Variants in CACNA2D4 observed in about 807,000 individuals in gnomAD.
CACNA2D4 encodes voltage-dependent calcium channel subunit alpha-2/delta-4.
CACNA2D4 carries 157 observed loss-of-function variants against 163.8 expected under a neutral mutation model. The observed-to-expected ratio is 0.96, with a 90% CI of 0.84 to 1.09. The LOEUF (loss-of-function observed/expected upper bound fraction) is 1.09. CACNA2D4 is among the 50% of genes least tolerant of loss of function. The pLI is 0.00. For missense variants in CACNA2D4, 1,410 were observed against 1,479.9 expected, an observed-to-expected ratio of 0.95 and a Z score of 0.78; for synonymous variants, 598 against 586.9, an observed-to-expected ratio of 1.02 and a Z score of -0.27.
chr12:1,856,585 T>C (rs1865404760), intron 20 of CACNA2D4, among the ~76,000 whole-genome samples: 1 of 152,214 alleles, frequency 6.6e-6, no homozygotes, highest in South Asian at 2.1e-4. Context: ...AATAACCTTG[T>C]GCTTCTGCCA....
Position 1,858,650 on chromosome 12 carries a change from G to GGGAGA in CACNA2D4, c.1941-11_1941-7dup. ...GGGACAGCACCACCCCCAAACTGTGGGGAGAGAAGAGAAGGCACTCATTCA... is the reference window on the plus strand; with the variant it reads ...GGGACAGCACCACCCCCAAACTGTGGGGAGAGGAGAGAAGAGAAGGCACTCATTCA... On this transcript the variant is annotated splice_polypyrimidine_tract_variant and splice_region_variant and intron_variant, in intron 19 of 37. Coordinates refer to ENST00000382722, the MANE Select transcript of CACNA2D4 (RefSeq NM_172364.5). 1 of 1,591,490 alleles carries GGGAGA rather than the reference G, an allele frequency of 6.3e-7. No individual in the cohort carries two copies. Among genetic ancestry groups the GGGAGA allele is most frequent in the Non-Finnish European group, 8.6e-7 (1 of 1,167,590 alleles).
chr12:1,901,351 C>T (rs145028325), intron 6 of CACNA2D4, among the ~76,000 whole-genome samples: 2,338 of 151,386 alleles, frequency 0.015, 33 homozygotes, highest in Middle Eastern at 0.027. Flanking sequence ...AAAGATCAAA[C>T]AGAAATAAGT....
Position 1,799,792 on chromosome 12 carries a change from T to C in CACNA2D4, c.2975-97A>G, listed in dbSNP as rs1365038545. On this transcript the variant is annotated intron_variant, in intron 33 of 37. Coordinates refer to ENST00000382722, the MANE Select transcript of CACNA2D4 (RefSeq NM_172364.5). This position sits in a 1 kb window ranked among gnomAD's most constrained non-coding sequence, Gnocchi z 4.7. Reference sequence around the variant, plus strand: ...GTCATGGGGTGGTGATGATGGCACATGGAGTGGCGGTGTCCCAAGATGATG... The same window carrying C: ...GTCATGGGGTGGTGATGATGGCACACGGAGTGGCGGTGTCCCAAGATGATG... 1.2e-5 allele frequency: 18 copies of C among 1,461,216 alleles called. No individual in the cohort carries two copies. The Admixed American group carries it at 3.5e-4, about 29-fold the overall frequency. The allele number at this position is 1,461,216 out of a possible 1,614,324, so 90.5% of individuals were successfully genotyped here.
At chr12:1,810,124 C>T (rs1863655177) in intron 29 of CACNA2D4, among the ~76,000 whole-genome samples, 154 bp downstream of exon 29, 1 of 152,254 alleles carries the variant, frequency 6.6e-6, no homozygotes, top group Admixed American at 6.5e-5. Context: ...ACTTTGGTGT[C>T]AGAACACCAT....
At chr12:1,877,630 G>T (rs749372963) in intron 16 of CACNA2D4, among the ~76,000 whole-genome samples, 11 of 152,194 alleles carry the variant, frequency 7.2e-5, no homozygotes, top group Admixed American at 4.6e-4. Flanking sequence ...AAGGTGCTCT[G>T]CTGTCTGTCC....
chr12:1,868,851 G>A (rs767351414), intron 18 of CACNA2D4, among the ~76,000 whole-genome samples: 2 of 152,130 alleles, frequency 1.3e-5, no homozygotes, highest in Non-Finnish European at 2.9e-5. Flanking sequence ...GACTTTTTCT[G>A]TCATTATCCC....
At chr12:1,887,183 C>A in intron 6 of CACNA2D4, 114 bp from the exon 7 acceptor site, 1 of 716,028 alleles carries the variant, frequency 1.4e-6, no homozygotes, top group Non-Finnish European at 2.5e-6. Context: ...AGCTTTGGAG[C>A]TAGGGAACAG....
In CACNA2D4 at chr12:1,828,363, G is replaced by A; in HGVS notation, c.2551+12376C>T. Reference sequence around the variant, plus strand: ...CCTGGGGTACCCGAGGCTATGTTCTGGGAAGCCAGGGTCACGCCCACGGTG... The same window carrying A: ...CCTGGGGTACCCGAGGCTATGTTCTAGGAAGCCAGGGTCACGCCCACGGTG... On this transcript the variant is annotated intron_variant, in intron 26 of 37. Transcript: ENST00000382722. The surrounding 1 kb of genome is among the most constrained non-coding windows in gnomAD (Gnocchi z 4.2). 1 of 674,390 alleles carries A rather than the reference G, an allele frequency of 1.5e-6. No individual in the cohort carries two copies. 41.8% of individuals were successfully genotyped at this position (674,390 alleles called of 1,614,324 possible).
intron 25 of CACNA2D4, among the ~76,000 whole-genome samples, chr12:1,841,887 G>T (rs571168481): frequency 3.0e-4 from 46 of 152,260 alleles, no homozygotes; most frequent in Middle Eastern, 6.8e-3. Context: ...CTGATTCCAG[G>T]AACTTCCAAT....
intron 6 of CACNA2D4, among the ~76,000 whole-genome samples, chr12:1,891,601 T>C: frequency 6.6e-6 from 1 of 151,950 alleles, no homozygotes; most frequent in East Asian, 1.9e-4. Flanking sequence ...ATAATTTATA[T>C]AATACCGGAA....
chr12:1,887,782 T>A (rs1866184591), intron 6 of CACNA2D4, among the ~76,000 whole-genome samples: 1 of 152,066 alleles, frequency 6.6e-6, no homozygotes, highest in Non-Finnish European at 1.5e-5. Flanking sequence ...TTGGGAATAG[T>A]GGGTTTAAAA....
chr12:1,834,095 A>G lies in CACNA2D4; in HGVS notation c.2551+6644T>C, dbSNP rs1258394309. ...AACTCACTGTGGACTTGGCTCAATC[A>G]ATGCTGTTTTCCCTCCTCCGCTTCC... On this transcript the variant is annotated intron_variant, in intron 26 of 37. Coordinates refer to ENST00000382722, the MANE Select transcript of CACNA2D4 (RefSeq NM_172364.5). The surrounding 1 kb of genome is among the most constrained non-coding windows in gnomAD (Gnocchi z 7.6). 6.6e-6 allele frequency among the ~76,000 whole-genome samples: 1 copy of G among 152,214 alleles called. No homozygotes were observed. Among genetic ancestry groups the G allele is most frequent in the Non-Finnish European group, 1.5e-5 (1 of 68,034 alleles).
At chr12:1,824,192 T>G (rs765115038) in intron 26 of CACNA2D4, among the ~76,000 whole-genome samples, 3 of 152,232 alleles carry the variant, frequency 2.0e-5, no homozygotes, top group South Asian at 2.1e-4. Flanking sequence ...GTCTCCTCGG[T>G]GGCCGTTTGC....
chr12:1,883,522 G>T lies in CACNA2D4; in HGVS notation c.1352-522C>A, dbSNP rs537434983. Among the ~76,000 whole-genome samples, 4 of 152,140 alleles carry T rather than the reference G, an allele frequency of 2.6e-5. No homozygotes were observed. Among genetic ancestry groups the T allele is most frequent in the African/African-American group, 9.7e-5 (4 of 41,414 alleles). Reference sequence around the variant, plus strand: ...GGTGACACTCCAAAGCGCAGATGGCGCAGAAGGCTGTGAATGGCCTCTCCA... The same window carrying T: ...GGTGACACTCCAAAGCGCAGATGGCTCAGAAGGCTGTGAATGGCCTCTCCA... On this transcript the variant is annotated intron_variant, in intron 12 of 37. Coordinates refer to ENST00000382722, the MANE Select transcript of CACNA2D4 (RefSeq NM_172364.5). This position sits in a 1 kb window ranked among gnomAD's most constrained non-coding sequence, Gnocchi z 4.5.
chr12:1,907,694 G>A (rs1592749198), intron 5 of CACNA2D4, 123 bp from the exon 6 acceptor site: 1 of 1,184,772 alleles, frequency 8.4e-7, no homozygotes, highest in Middle Eastern at 2.0e-4. Flanking sequence ...CCTGGTGGGT[G>A]TGCCTGGTGG....
In CACNA2D4 at chr12:1,885,975, T is replaced by C; in HGVS notation, c.1058A>G (p.Asp353Gly). ...FKGILVQADR[D>G]NREHFKLLVE... ...ACCGTGGACACTCACCTCTCGATTGTCTCGGTCCGCCTGGACGAGGATCCC... is the reference window on the plus strand; with the variant it reads ...ACCGTGGACACTCACCTCTCGATTGCCTCGGTCCGCCTGGACGAGGATCCC... Residue 353 changes from aspartate (D) to glycine (G), a missense_variant, in exon 9 of 38, where the codon GAC (aspartate) becomes GGC (glycine). Transcript: ENST00000382722. The C allele has an allele frequency of 6.2e-7, 1 of 1,612,714 alleles. No homozygotes were observed. The highest frequency in any genetic ancestry group is 8.5e-7 in the Non-Finnish European group (1 of 1,179,078).
intron 6 of CACNA2D4, among the ~76,000 whole-genome samples, chr12:1,888,058 G>A (rs1439679553): frequency 6.6e-6 from 1 of 152,186 alleles, no homozygotes; most frequent in Non-Finnish European, 1.5e-5. Context: ...AGCACCCAAA[G>A]CCTTGAAGGT....
intron 3 of CACNA2D4, among the ~76,000 whole-genome samples, chr12:1,911,735 G>A (rs569786848): frequency 1.3e-4 from 20 of 152,322 alleles, no homozygotes; most frequent in African/African-American, 4.1e-4. Context: ...CAGCCTCTGG[G>A]GGTGTCTCAG....
At chr12:1,858,781 C>A (rs2286369) in intron 19 of CACNA2D4, 137 bp from the exon 20 acceptor site, 5 of 509,568 alleles carry the variant, frequency 9.8e-6, no homozygotes, top group South Asian at 8.7e-5. Context: ...CCTCATGCCC[C>A]CTTCTTTACC....
Sources: allele counts gnomAD v4.1 joint callset (sites outside exome capture counted in the v4.1 genomes callset), GRCh38; gene constraint gnomAD v4.1.1; non-coding constraint Gnocchi (gnomAD v3.1); transcripts MANE v1.5; gene names NCBI Gene and HGNC (gene_info 2026-07-23, HGNC 2026-07-21).